The following SHISA4 variants were observed in gnomAD, a reference collection of about 807,000 sequenced individuals.
SHISA4 encodes protein shisa-4.
In SHISA4, 16 loss-of-function variants were observed where a neutral mutation model predicts 24.2. The ratio of observed to expected loss-of-function variants is 0.66; its 90% confidence interval spans 0.45 to 1.00. The LOEUF is 1.00. Ranked by LOEUF, SHISA4 falls within the 50% of genes least tolerant of loss-of-function variation. The pLI is 0.00. For missense variants in SHISA4, 238 were observed against 258.9 expected, an observed-to-expected ratio of 0.92 and a Z score of 0.55; for synonymous variants, 106 against 105.4, an observed-to-expected ratio of 1.01 and a Z score of -0.04.
chr1:201,890,328 G>C (rs1681069827), intron 2 of SHISA4, 126 bp from the exon 3 acceptor site: 1 of 1,262,026 alleles, frequency 7.9e-7, no homozygotes, highest in African/African-American at 1.5e-5. Flanking sequence ...ACTGGGCAGA[G>C]CCCCACAAGG....
At chr1:201,889,731 G>A in intron 2 of SHISA4, 115 bp downstream of exon 2, 1 of 1,257,046 alleles carries the variant, frequency 8.0e-7, no homozygotes, top group Non-Finnish European at 1.1e-6. Flanking sequence ...ATTCTTAGCT[G>A]AATAGAGTCA....
In SHISA4 at chr1:201,892,119, G is replaced by C; in HGVS notation, c.*273G>C. On this transcript the variant is annotated 3_prime_UTR_variant, in exon 5 of 5. Transcript: ENST00000362011. Reference sequence around the variant, plus strand: ...GATGACAGCCTGGGTCACAGTGCCTGTTTTCAAATAGTCCCTCTGCTCCCA... The same window carrying C: ...GATGACAGCCTGGGTCACAGTGCCTCTTTTCAAATAGTCCCTCTGCTCCCA... 4.6e-6 allele frequency: 2 copies of C among 433,240 alleles called. No individual in the cohort carries two copies. The highest frequency in any genetic ancestry group is 2.7e-5 in the South Asian group (1 of 37,722). The allele number at this position is 433,240 out of a possible 1,614,324, so 26.8% of individuals were successfully genotyped here.
Position 201,891,947 on chromosome 1 carries a change from A to T in SHISA4, c.*101A>T. 7.0e-7 allele frequency: 1 copy of T among 1,420,538 alleles called. No homozygotes were observed. The highest frequency in any genetic ancestry group is 9.9e-7 in the Non-Finnish European group (1 of 1,007,742). The allele number at this position is 1,420,538 out of a possible 1,614,324, so 88.0% of individuals were successfully genotyped here. A position where few individuals can be genotyped will look rare whatever the true frequency, so the allele number is the denominator to read the frequency against. On this transcript the variant is annotated 3_prime_UTR_variant, in exon 5 of 5. Transcript: ENST00000362011. Reference sequence around the variant, plus strand: ...GTCCTGGGGGTGGCAGGAGTCCTCCAGCCACCAGGCCCCAGACCAAGCCAA... The same window carrying T: ...GTCCTGGGGGTGGCAGGAGTCCTCCTGCCACCAGGCCCCAGACCAAGCCAA...
intron 4 of SHISA4, 88 bp from the exon 5 acceptor site, chr1:201,891,712 A>G (rs1242298594): frequency 4.7e-5 from 73 of 1,557,066 alleles, no homozygotes; most frequent in East Asian, 2.2e-4. Flanking sequence ...ACTCTTCCCT[A>G]TGGGTCCTGT....
In SHISA4 at chr1:201,890,604, G is replaced by A. The variant is rs1681076462; in HGVS notation, c.379+17G>A. 7 of 1,613,248 alleles carry A rather than the reference G, an allele frequency of 4.3e-6. No individual in the cohort carries two copies. The highest frequency in any genetic ancestry group is 2.2e-5 in the East Asian group (1 of 44,876). On this transcript the variant is annotated intron_variant, in intron 3 of 4. Coordinates refer to ENST00000362011, the MANE Select transcript of SHISA4 (RefSeq NM_198149.3). ...CATTTGAAGGTACACCCAGTACTGG[G>A]CAAGAAGGGCCTCAGATGGGCTGGG... is the stretch of plus-strand genomic sequence containing the variant.
intron 3 of SHISA4, 58 bp from the exon 4 acceptor site, chr1:201,891,343 G>C: frequency 6.2e-7 from 1 of 1,607,024 alleles, no homozygotes; most frequent in Non-Finnish European, 8.5e-7. Context: ...CTGGGCAGGA[G>C]GAGGAGGCTT....
In SHISA4 at chr1:201,892,014, C is replaced by T. The variant is rs1681110319; in HGVS notation, c.*168C>T. 1.4e-6 allele frequency: 1 copy of T among 735,248 alleles called. No homozygotes were observed. Among genetic ancestry groups the T allele is most frequent in the Non-Finnish European group, 2.3e-6 (1 of 433,586 alleles). The allele number at this position is 735,248 out of a possible 1,614,324, so 45.5% of individuals were successfully genotyped here. On this transcript the variant is annotated 3_prime_UTR_variant, in exon 5 of 5. Coordinates refer to ENST00000362011, the MANE Select transcript of SHISA4 (RefSeq NM_198149.3). ...GGGACAGAGCCCCAGGGAAGTGGAACAGGAGCTGAACTAGAACTATGAGGG... is the reference window on the plus strand; with the variant it reads ...GGGACAGAGCCCCAGGGAAGTGGAATAGGAGCTGAACTAGAACTATGAGGG...
chr1:201,890,481 A>G lies in SHISA4; in HGVS notation c.273A>G (p.Ser91=). The G allele has an allele frequency of 6.2e-7, 1 of 1,614,256 alleles. No homozygotes were observed. The highest frequency in any genetic ancestry group is 8.5e-7 in the Non-Finnish European group (1 of 1,180,046). The change falls in exon 3 of 5, where the codon TCA becomes TCG. Residue 91 remains serine, a synonymous_variant. Coordinates refer to ENST00000362011, the MANE Select transcript of SHISA4 (RefSeq NM_198149.3). ...FSPKTIAGIA[S]AVILFVAVVA... ...CCAAGACCATAGCAGGCATCGCCTCAGCTGTGATCCTCTTTGTTGCTGTGG... is the reference window on the plus strand; with the variant it reads ...CCAAGACCATAGCAGGCATCGCCTCGGCTGTGATCCTCTTTGTTGCTGTGG...
At chr1:201,888,873 G>A, upstream of SHISA4, 2 of 567,750 alleles carry the variant, frequency 3.5e-6, no homozygotes, top group South Asian at 6.2e-5. Context: ...CACCCCCAGA[G>A]GAGGCGGAAG....
intron 3 of SHISA4, 149 bp downstream of exon 3, chr1:201,890,736 T>C (rs1571567820): frequency 9.4e-7 from 1 of 1,066,594 alleles, no homozygotes; most frequent in East Asian, 2.4e-5. Flanking sequence ...AGAAAAATGC[T>C]TGTAAACCCG....
chr1:201,889,686 C>T, intron 2 of SHISA4, 70 bp downstream of exon 2: 1 of 1,556,198 alleles, frequency 6.4e-7, no homozygotes, highest in East Asian at 2.3e-5. Context: ...CTTCCTCCCT[C>T]CCGGACTCCT....
chr1:201,891,880 A>G lies in SHISA4; in HGVS notation c.*34A>G. ...CCATGTCTCTGCTGCCCCTTCAGTG[A>G]TGCCAACCTTGGGAGATGCCCTCAT... On this transcript the variant is annotated 3_prime_UTR_variant, in exon 5 of 5. Coordinates refer to ENST00000362011, the MANE Select transcript of SHISA4 (RefSeq NM_198149.3). 6.2e-7 allele frequency: 1 copy of G among 1,612,576 alleles called. No homozygotes were observed. Among genetic ancestry groups the G allele is most frequent in the Non-Finnish European group, 8.5e-7 (1 of 1,178,730 alleles).
rs72742098 is a variant in SHISA4 at position 201,892,087 on chromosome 1, G to C, written c.*241G>C. The C allele has an allele frequency of 0.043, 23,441 of 540,586 alleles. 653 individuals are homozygous for C. Among genetic ancestry groups the C allele is most frequent in the Middle Eastern group, 0.056 (111 of 1,994 alleles). The allele number at this position is 540,586 out of a possible 1,614,324, so 33.5% of individuals were successfully genotyped here. On this transcript the variant is annotated 3_prime_UTR_variant, in exon 5 of 5. Transcript: ENST00000362011. ...ATGGGCTATTTTTACTGGGGGCAAGGGAGGGAGATGACAGCCTGGGTCACA... is the reference window on the plus strand; with the variant it reads ...ATGGGCTATTTTTACTGGGGGCAAGCGAGGGAGATGACAGCCTGGGTCACA...
Position 201,891,804 on chromosome 1 carries a change from TC to T in SHISA4, c.554del (p.Pro185LeufsTer25). On this transcript the variant is annotated frameshift_variant, in exon 5 of 5. Transcript: ENST00000362011. LOFTEE classifies it high-confidence loss of function. Reference sequence around the variant, plus strand: ...TCCTGTCTCTTTGGCTTTCAGCTCCTCCTCCCTATATGCCACCACAGCCCTC... The same window carrying T: ...TCCTGTCTCTTTGGCTTTCAGCTCCTCTCCCTATATGCCACCACAGCCCTC... ...GPPVYNPAAP[P>X]PYMPPQPSYP... 6.2e-7 allele frequency: 1 copy of T among 1,614,024 alleles called. No individual in the cohort carries two copies. The highest frequency in any genetic ancestry group is 8.5e-7 in the Non-Finnish European group (1 of 1,179,982).
rs1401642758 is a variant in SHISA4, at chr1:201,888,956, C to T, written c.-39C>T. 2.9e-6 allele frequency: 4 copies of T among 1,357,212 alleles called. No homozygotes were observed. Among genetic ancestry groups the T allele is most frequent in the African/African-American group, 1.5e-5 (1 of 65,232 alleles). 84.1% of individuals were successfully genotyped at this position (1,357,212 alleles called of 1,614,324 possible). ...GGCCGGCTTGGTCCTGCGGTCCCTT[C>T]TCTGGGAGGCCCGACCCCGGCCGCG... On this transcript the variant is annotated 5_prime_UTR_variant, in exon 1 of 5. Coordinates refer to ENST00000362011, the MANE Select transcript of SHISA4 (RefSeq NM_198149.3).
chr1:201,891,969 C>T lies in SHISA4; in HGVS notation c.*123C>T. The stretch of plus-strand genomic sequence containing the variant: ...TCCAGCCACCAGGCCCCAGACCAAG[C>T]CAAGCCCTGGGCCCTACTGGGGACA... On this transcript the variant is annotated 3_prime_UTR_variant, in exon 5 of 5. Coordinates refer to ENST00000362011, the MANE Select transcript of SHISA4 (RefSeq NM_198149.3). The T allele has an allele frequency of 1.7e-6, 2 of 1,174,918 alleles. No homozygotes were observed. 72.8% of individuals were successfully genotyped at this position (1,174,918 alleles called of 1,614,324 possible).
intron 4 of SHISA4, 71 bp from the exon 5 acceptor site, chr1:201,891,729 C>T (rs545707837): frequency 1.9e-5 from 30 of 1,587,414 alleles, no homozygotes; most frequent in Admixed American, 1.0e-4. Flanking sequence ...CTGTCTGCCC[C>T]GGGGGCAGGG....
intron 3 of SHISA4, 85 bp from the exon 4 acceptor site, chr1:201,891,316 G>A (rs527931268): frequency 3.2e-6 from 5 of 1,551,280 alleles, no homozygotes; most frequent in Non-Finnish European, 4.4e-6. Context: ...CAGCACCAGG[G>A]TGCTTACCTT....
At position 201,889,631 on chromosome 1, in the gene SHISA4, C is replaced by A; in HGVS notation, c.245+15C>A. ...CTGGCCTTCAGGTGGGTTCCTGCCT[C>A]CTCACCCTCACCACCTCCTCTATCC... On this transcript the variant is annotated intron_variant, in intron 2 of 4. Coordinates refer to ENST00000362011, the MANE Select transcript of SHISA4 (RefSeq NM_198149.3). 1 of 1,612,614 alleles carries A rather than the reference C, an allele frequency of 6.2e-7. No individual in the cohort carries two copies. Among genetic ancestry groups the A allele is most frequent in the South Asian group, 1.1e-5 (1 of 91,052 alleles).
Sources: gnomAD v4.1 joint callset for allele counts on GRCh38, gnomAD v4.1.1 for gene constraint, MANE v1.5 for transcripts, NCBI Gene and HGNC (gene_info 2026-07-23, HGNC 2026-07-21) for gene names.